Variants in SLAMF6 observed in about 807,000 individuals in gnomAD.
SLAMF6 encodes the protein NK-T-B-antigen.
SLAMF6 carries 21 observed loss-of-function variants against 38.3 expected under a neutral mutation model. The observed-to-expected ratio is 0.55, with a 90% CI of 0.39 to 0.79. The LOEUF is 0.79. Among genes scored for constraint, SLAMF6 ranks in the 30% least tolerant of loss-of-function variants. SLAMF6 has a pLI of 0.00. For missense variants in SLAMF6, 341 were observed against 385.3 expected (o/e 0.89, Z 0.96); for synonymous variants, 152 against 146.3 (o/e 1.04, Z -0.28).
At position 160,491,294 on chromosome 1, in the gene SLAMF6, A is replaced by G. The variant is rs749437647; in HGVS notation, c.477T>C (p.Asp159=). 6.2e-7 allele frequency: 1 copy of G among 1,613,976 alleles called. No homozygotes were observed. Among genetic ancestry groups the G allele is most frequent in the Non-Finnish European group, 8.5e-7 (1 of 1,179,988 alleles). Residue 159 remains aspartate, a synonymous_variant, in exon 3 of 8, where the codon GAT becomes GAC. Coordinates refer to ENST00000368057, the MANE Select transcript of SLAMF6 (RefSeq NM_001184714.2). ...CCTCCCATCTGAATGAGACATTGTC[A>G]TCTGCATCCTCCACAGAGCAAGTCA... The part of the protein sequence containing the change: ...LHLTCSVEDA[D]DNVSFRWEAL...
intron 3 of SLAMF6, 167 bp from the exon 4 acceptor site, chr1:160,490,852 G>A (rs1653251947): frequency 6.3e-6 from 4 of 632,728 alleles, no homozygotes; most frequent in Admixed American, 1.3e-4. Context: ...GGAGGGTGGG[G>A]CCCAGTGGAG....
At chr1:160,513,375 G>A (rs370786107) in intron 1 of SLAMF6, among the ~76,000 whole-genome samples, 4 of 152,114 alleles carry the variant, frequency 2.6e-5, no homozygotes, top group Admixed American at 6.6e-5. Flanking sequence ...TAAAGAGACC[G>A]AACCTACAAC....
intron 1 of SLAMF6, among the ~76,000 whole-genome samples, chr1:160,503,795 TGGGTCAAAAAAA>T (rs1264751194): frequency 6.6e-6 from 1 of 151,428 alleles, no homozygotes; most frequent in African/African-American, 2.4e-5. Context: ...AAACAAATGA[TGGGTCAAAAAAA>T]GAGGCAACTT....
intron 1 of SLAMF6, among the ~76,000 whole-genome samples, chr1:160,509,765 A>G (rs1474029606): frequency 6.6e-6 from 1 of 152,218 alleles, no homozygotes; most frequent in Non-Finnish European, 1.5e-5. Context: ...GCAGAGATAA[A>G]TAACATAGAG....
chr1:160,519,664 C>T (rs1016398922), intron 1 of SLAMF6, among the ~76,000 whole-genome samples: 3 of 151,662 alleles, frequency 2.0e-5, no homozygotes, highest in Non-Finnish European at 4.4e-5. Flanking sequence ...ACCTGGAAAA[C>T]ATGATGCTAA....
At chr1:160,522,672 G>A (rs1655037237) in intron 1 of SLAMF6, among the ~76,000 whole-genome samples, 1 of 151,820 alleles carries the variant, frequency 6.6e-6, no homozygotes, top group African/African-American at 2.4e-5. Context: ...TATTTTTGGT[G>A]TGTTTGGTTG....
intron 1 of SLAMF6, among the ~76,000 whole-genome samples, chr1:160,522,535 C>A (rs1655030490): frequency 6.6e-6 from 1 of 152,156 alleles, no homozygotes; most frequent in Non-Finnish European, 1.5e-5. Flanking sequence ...AAGAAGCCAG[C>A]TGGATCAGTT....
chr1:160,499,898 G>C (rs1487538350), intron 1 of SLAMF6, among the ~76,000 whole-genome samples: 2 of 152,166 alleles, frequency 1.3e-5, no homozygotes, highest in Non-Finnish European at 2.9e-5. Context: ...ACTGTTATTT[G>C]TCATCTTTAT....
intron 1 of SLAMF6, among the ~76,000 whole-genome samples, chr1:160,521,790 C>T (rs1407843051): frequency 6.6e-6 from 1 of 152,170 alleles, no homozygotes; most frequent in South Asian, 2.1e-4. Flanking sequence ...CTGCTCTCCA[C>T]CTTCCAATTT....
At chr1:160,504,413 A>T (rs1654074111) in intron 1 of SLAMF6, among the ~76,000 whole-genome samples, 1 of 152,038 alleles carries the variant, frequency 6.6e-6, no homozygotes, top group Non-Finnish European at 1.5e-5. Context: ...ATCATTGGGG[A>T]GCTTTGCAGA....
intron 1 of SLAMF6, among the ~76,000 whole-genome samples, chr1:160,498,914 G>A (rs1029442406): frequency 1.3e-4 from 19 of 151,892 alleles, no homozygotes; most frequent in African/African-American, 3.4e-4. Flanking sequence ...GGGGTTATTC[G>A]TCTTTTTGCT....
At chr1:160,500,283 C>T (rs1453439804) in intron 1 of SLAMF6, among the ~76,000 whole-genome samples, 1 of 152,234 alleles carries the variant, frequency 6.6e-6, no homozygotes, top group Non-Finnish European at 1.5e-5. Context: ...TGTCTATGGT[C>T]TATAAGGACC....
chr1:160,497,974 A>G (rs911767996), intron 1 of SLAMF6, among the ~76,000 whole-genome samples: 3 of 151,960 alleles, frequency 2.0e-5, no homozygotes, highest in Non-Finnish European at 4.4e-5. Flanking sequence ...ATAATGATCT[A>G]TTTTCCTTTG....
chr1:160,504,735 G>C (rs991873978), intron 1 of SLAMF6, among the ~76,000 whole-genome samples: 1 of 152,110 alleles, frequency 6.6e-6, no homozygotes, highest in African/African-American at 2.4e-5. Flanking sequence ...TTATAGTGGA[G>C]GCAAAAAATA....
At position 160,486,386 on chromosome 1, in the gene SLAMF6, C is replaced by A. The variant is rs546771829; in HGVS notation, c.*321G>T. The A allele has an allele frequency of 2.7e-5, 8 of 294,194 alleles. No homozygotes were observed. Among genetic ancestry groups the A allele is most frequent in the South Asian group, 2.1e-4 (5 of 24,282 alleles). The allele number at this position is 294,194 out of a possible 1,614,324, so 18.2% of individuals were successfully genotyped here. On this transcript the variant is annotated 3_prime_UTR_variant, in exon 8 of 8. Coordinates refer to ENST00000368057, the MANE Select transcript of SLAMF6 (RefSeq NM_001184714.2). ...GGAGAGAAGTGGTTGTCTTCTGGAT[C>A]ATAAACTCTCTGTCAACCATAATTC...
chr1:160,511,224 C>T (rs985929946), intron 1 of SLAMF6, among the ~76,000 whole-genome samples: 1 of 151,978 alleles, frequency 6.6e-6, no homozygotes, highest in African/African-American at 2.4e-5. Flanking sequence ...AGCTAATTCT[C>T]AAATTTATAT....
At chr1:160,498,985 C>T (rs985182486) in intron 1 of SLAMF6, among the ~76,000 whole-genome samples, 1 of 152,080 alleles carries the variant, frequency 6.6e-6, no homozygotes, top group African/African-American at 2.4e-5. Context: ...ACATAGTTTG[C>T]AAATATTTTC....
chr1:160,520,285 C>T (rs1654925988), intron 1 of SLAMF6, among the ~76,000 whole-genome samples: 1 of 152,148 alleles, frequency 6.6e-6, no homozygotes, highest in Non-Finnish European at 1.5e-5. Context: ...ACTGCTCTCT[C>T]CTGGACCTCA....
rs750231610 is a variant in SLAMF6, at chr1:160,487,167, T to C, written c.888A>G (p.Glu296=). 6.2e-6 allele frequency: 10 copies of C among 1,613,124 alleles called. No individual in the cohort carries two copies. Among genetic ancestry groups the C allele is most frequent in the Non-Finnish European group, 7.6e-6 (9 of 1,179,696 alleles). Reference sequence around the variant, plus strand: ...TATCATTTTCTCTAGGTGTCCAGATTTCTGTTTCCTGTAAAAAGAATCATA... The same window carrying C: ...TATCATTTTCTCTAGGTGTCCAGATCTCTGTTTCCTGTAAAAAGAATCATA... ...ASVTHSNRET[E]IWTPRENDTI... Residue 296 remains glutamate (E), a synonymous_variant, in exon 7 of 8, where the codon GAA becomes GAG. Transcript: ENST00000368057.
Sources: allele counts gnomAD v4.1 joint callset (sites outside exome capture counted in the v4.1 genomes callset), GRCh38; gene constraint gnomAD v4.1.1; transcripts MANE v1.5; gene names NCBI Gene and HGNC (gene_info 2026-07-23, HGNC 2026-07-21).